NBEA: variants seen among roughly 807,000 people sequenced by gnomAD.
The protein encoded by NBEA is lysosomal-trafficking regulator 2.
A neutral mutation model predicts 343.4 loss-of-function variants in NBEA; 44 were observed. The ratio of observed to expected loss-of-function variants is 0.13; its 90% confidence interval spans 0.10 to 0.16. The LOEUF (loss-of-function observed/expected upper bound fraction) is 0.16. NBEA is among the 10% of genes least tolerant of loss of function. The pLI is 1.00. For synonymous variants in NBEA, 1,175 were observed against 1,238.7 expected (o/e 0.95, Z 1.08); for missense variants, 2,555 against 3,631.3 (o/e 0.70, Z 7.62).
At chr13:35,058,926 A>G in intron 8 of NBEA, 63 bp downstream of exon 8, 1 of 1,335,250 alleles carries the variant, frequency 7.5e-7, no homozygotes, top group Non-Finnish European at 1.0e-6. Flanking sequence ...GTGGTGTAAT[A>G]TCATTTTTAG....
chr13:35,306,036 C>T lies in NBEA; in HGVS notation c.5839-3492C>T, dbSNP rs149704775. Among the ~76,000 whole-genome samples, 968 of 152,204 alleles carry T rather than the reference C, an allele frequency of 6.4e-3. 13 individuals are homozygous for T. Among genetic ancestry groups the T allele is most frequent in the African/African-American group, 0.023 (937 of 41,530 alleles). The stretch of plus-strand genomic sequence containing the variant: ...AAATTCGTATATCAAATGAAAGTAT[C>T]TGATGTCTACATACATCAGGACAGG... On this transcript the variant is annotated intron_variant, in intron 35 of 58. Coordinates refer to ENST00000379939, the MANE Select transcript of NBEA (RefSeq NM_001385012.1).
intron 8 of NBEA, among the ~76,000 whole-genome samples, chr13:35,064,492 G>T (rs2063577573): frequency 6.6e-6 from 1 of 152,044 alleles, no homozygotes; most frequent in Non-Finnish European, 1.5e-5. Flanking sequence ...ATGCCCAATT[G>T]TTATAATTAC....
rs536035302 is a variant in NBEA, at chr13:35,585,754, C to A, written c.7176+1716C>A. Reference sequence around the variant, plus strand: ...TCATGTACCTGCTGTGGTTAAATGCCGTGATTATTCACTCAGCTGCCCAAT... The same window carrying A: ...TCATGTACCTGCTGTGGTTAAATGCAGTGATTATTCACTCAGCTGCCCAAT... On this transcript the variant is annotated intron_variant, in intron 46 of 58. Coordinates refer to ENST00000379939, the MANE Select transcript of NBEA (RefSeq NM_001385012.1). Among the ~76,000 whole-genome samples the A allele has an allele frequency of 2.0e-5, 3 of 152,060 alleles. No individual in the cohort carries two copies. In the East Asian group the frequency reaches 5.8e-4, roughly 29 times the overall value.
At chr13:35,074,191 G>A (rs1357500106) in intron 10 of NBEA, among the ~76,000 whole-genome samples, 4 of 151,952 alleles carry the variant, frequency 2.6e-5, no homozygotes, top group African/African-American at 9.7e-5. Context: ...TATAGCTTTC[G>A]TATTTTGTGT....
intron 25 of NBEA, among the ~76,000 whole-genome samples, chr13:35,170,722 G>A (rs2070397447): frequency 6.6e-6 from 1 of 151,792 alleles, no homozygotes; most frequent in African/African-American, 2.4e-5. Context: ...TACATGTAAA[G>A]TACCTAGTAG....
At chr13:35,084,611 A>G (rs1013747180) in intron 10 of NBEA, among the ~76,000 whole-genome samples, 4 of 152,200 alleles carry the variant, frequency 2.6e-5, no homozygotes, top group African/African-American at 9.6e-5. Context: ...ATAGCACTAA[A>G]TGCCCATAAG....
chr13:35,377,775 T>C (rs2041823320), intron 38 of NBEA, among the ~76,000 whole-genome samples: 1 of 152,188 alleles, frequency 6.6e-6, no homozygotes, highest in Non-Finnish European at 1.5e-5. Flanking sequence ...ATTATGATAC[T>C]TTCTACCAGT....
In NBEA at chr13:35,184,082, C is replaced by A. The variant is rs746172141; in HGVS notation, c.4927+11C>A. ...ACTCATTTTACAAAGGTAATACTGA[C>A]CTCATCTCCTGACCTGTTTGGGTAT... is the stretch of plus-strand genomic sequence containing the variant. On this transcript the variant is annotated intron_variant, in intron 30 of 58. Transcript: ENST00000379939. 1.9e-6 allele frequency: 3 copies of A among 1,571,148 alleles called. No homozygotes were observed. Among genetic ancestry groups the A allele is most frequent in the Admixed American group, 1.7e-5 (1 of 59,014 alleles).
intron 55 of NBEA, among the ~76,000 whole-genome samples, chr13:35,663,273 A>G (rs891708834): frequency 2.0e-5 from 3 of 152,056 alleles, no homozygotes; most frequent in Non-Finnish European, 4.4e-5. Context: ...ACACCTTCCC[A>G]CCACCCTTGC....
intron 16 of NBEA, among the ~76,000 whole-genome samples, chr13:35,121,160 A>C (rs190221950): frequency 6.6e-6 from 1 of 151,962 alleles, no homozygotes; most frequent in East Asian, 1.9e-4. Flanking sequence ...GCTGGAGTGC[A>C]GTGGTACCAT....
intron 5 of NBEA, among the ~76,000 whole-genome samples, chr13:35,049,558 T>A (rs1045468527): frequency 2.0e-5 from 3 of 151,812 alleles, no homozygotes; most frequent in African/African-American, 7.2e-5. Context: ...ATAAAATATA[T>A]ATGGATAAAA....
intron 44 of NBEA, among the ~76,000 whole-genome samples, chr13:35,558,653 T>A (rs2079703323): frequency 2.0e-5 from 3 of 152,194 alleles, no homozygotes; most frequent in African/African-American, 7.2e-5. Context: ...AGATTTCTGA[T>A]CCTCAGACTC....
intron 30 of NBEA, among the ~76,000 whole-genome samples, chr13:35,190,787 T>C (rs2072129118): frequency 6.6e-6 from 1 of 152,106 alleles, no homozygotes; most frequent in Non-Finnish European, 1.5e-5. Flanking sequence ...GCAGTTGATA[T>C]AAAATGCCCC....
chr13:34,945,105 CTAGAAA>C (rs1052895999), intron 1 of NBEA, among the ~76,000 whole-genome samples: 4 of 152,210 alleles, frequency 2.6e-5, no homozygotes, highest in African/African-American at 9.6e-5. Context: ...CTTAGAGTCA[CTAGAAA>C]TAAAGTAATA....
chr13:35,619,537 A>G (rs2082886124), intron 48 of NBEA, among the ~76,000 whole-genome samples: 1 of 152,162 alleles, frequency 6.6e-6, no homozygotes, highest in Non-Finnish European at 1.5e-5. Flanking sequence ...GGCAACCTTC[A>G]TTTAACCCAA....
At chr13:35,536,646 T>TA (rs1555295308) in intron 41 of NBEA, among the ~76,000 whole-genome samples, 7 of 99,360 alleles carry the variant, frequency 7.0e-5, no homozygotes, top group Admixed American at 1.8e-4. Flanking sequence ...AATAGATAGA[T>TA]GATAGATAGA....
At chr13:35,177,360 T>C (rs2070978204) in intron 28 of NBEA, among the ~76,000 whole-genome samples, 1 of 151,824 alleles carries the variant, frequency 6.6e-6, no homozygotes, top group African/African-American at 2.4e-5. Context: ...CTCTGAAAAA[T>C]TATAATTAAC....
intron 31 of NBEA, among the ~76,000 whole-genome samples, chr13:35,198,447 A>G (rs1346598502): frequency 6.6e-6 from 1 of 152,072 alleles, no homozygotes; most frequent in Non-Finnish European, 1.5e-5. Context: ...TTTAATTTGG[A>G]TTATTGTTAG....
chr13:35,391,869 A>T (rs1212632899), intron 38 of NBEA, among the ~76,000 whole-genome samples: 1 of 152,154 alleles, frequency 6.6e-6, no homozygotes, highest in African/African-American at 2.4e-5. Context: ...CCTCAGATAT[A>T]ATTATATCTG....
Sources: allele counts gnomAD v4.1 joint callset (sites outside exome capture counted in the v4.1 genomes callset), GRCh38; gene constraint gnomAD v4.1.1; transcripts MANE v1.5; gene names NCBI Gene and HGNC (gene_info 2026-07-23, HGNC 2026-07-21).